ZC3H8: variants seen among roughly 807,000 people sequenced by gnomAD.
ZC3H8 encodes the protein zinc finger CCCH-type containing 8.
A neutral mutation model predicts 42.5 loss-of-function variants in ZC3H8; 27 were observed. The ratio of observed to expected loss-of-function variants is 0.64; its 90% CI spans 0.47 to 0.88. The LOEUF (loss-of-function observed/expected upper bound fraction) is 0.88, where lower values mean the gene tolerates loss of function less well. ZC3H8 is among the 40% of genes least tolerant of loss of function. The pLI, the probability that ZC3H8 is intolerant of heterozygous loss-of-function variation, is 0.00. For missense variants in ZC3H8, 277 were observed against 336.1 expected (o/e 0.82, Z 1.37); for synonymous variants, 101 against 110.1 (o/e 0.92, Z 0.52).
Position 112,214,984 on chromosome 2 carries a change from T to A in ZC3H8, c.*1500A>T, listed in dbSNP as rs1267762502. The A allele has an allele frequency of 6.6e-6, 1 of 152,184 alleles. No homozygotes were observed. The highest frequency in any genetic ancestry group is 1.5e-5 in the Non-Finnish European group (1 of 68,020). 9.4% of individuals were successfully genotyped at this position (152,184 alleles called of 1,614,324 possible). A position where few individuals can be genotyped will look rare whatever the true frequency, so the allele number is the denominator to read the frequency against. ...CTGAGTCCCTCAAATCTCTGCGGTGTCTTTTAAGTTTACAAGTGAGATGGG... is the reference window on the plus strand; with the variant it reads ...CTGAGTCCCTCAAATCTCTGCGGTGACTTTTAAGTTTACAAGTGAGATGGG... On this transcript the variant is annotated 3_prime_UTR_variant, in exon 9 of 9. Coordinates refer to ENST00000409573, the MANE Select transcript of ZC3H8 (RefSeq NM_032494.3).
intron 8 of ZC3H8, among the ~76,000 whole-genome samples, chr2:112,223,107 C>T (rs1215528496): frequency 6.6e-6 from 1 of 150,854 alleles, no homozygotes; most frequent in Non-Finnish European, 1.5e-5. Context: ...TGGGGCCTGT[C>T]GTGGGGTGGG....
chr2:112,224,497 C>A (rs755949349), intron 8 of ZC3H8, among the ~76,000 whole-genome samples: 1 of 152,168 alleles, frequency 6.6e-6, no homozygotes, highest in Non-Finnish European at 1.5e-5. Context: ...AAACCCAGGA[C>A]AAAAATACAC....
rs915063616 is a variant in ZC3H8 at position 112,213,461 on chromosome 2, A to G, written c.*3023T>C. 5 of 152,074 alleles carry G rather than the reference A, an allele frequency of 3.3e-5. No homozygotes were observed. The highest frequency in any genetic ancestry group is 1.2e-4 in the African/African-American group (5 of 41,410). 9.4% of individuals were successfully genotyped at this position (152,074 alleles called of 1,614,324 possible). On this transcript the variant is annotated 3_prime_UTR_variant, in exon 9 of 9. Transcript: ENST00000409573. Reference sequence around the variant, plus strand: ...CACCAAAAGGCTATATACTTGACCTATATTATCTCACCAACAGATAAAAAT... The same window carrying G: ...CACCAAAAGGCTATATACTTGACCTGTATTATCTCACCAACAGATAAAAAT...
At chr2:112,218,954 C>T (rs1684459626) in intron 8 of ZC3H8, among the ~76,000 whole-genome samples, 1 of 152,070 alleles carries the variant, frequency 6.6e-6, no homozygotes, top group Admixed American at 6.5e-5. Flanking sequence ...AAATCAAAGG[C>T]ACATAAATAA....
intron 2 of ZC3H8, among the ~76,000 whole-genome samples, chr2:112,241,496 G>A (rs2104663907): frequency 6.6e-6 from 1 of 152,312 alleles, no homozygotes; most frequent in Admixed American, 6.5e-5. Flanking sequence ...CTTGAATTCA[G>A]AAAATTCAGT....
intron 2 of ZC3H8, among the ~76,000 whole-genome samples, chr2:112,248,019 C>T (rs1382140079): frequency 6.6e-6 from 1 of 152,192 alleles, no homozygotes; most frequent in East Asian, 1.9e-4. Flanking sequence ...ATCATCTGTC[C>T]TGTATTCTTT....
intron 1 of ZC3H8, among the ~76,000 whole-genome samples, chr2:112,252,130 G>T (rs745424676): frequency 1.3e-5 from 2 of 151,980 alleles, no homozygotes; most frequent in Non-Finnish European, 2.9e-5. Flanking sequence ...CAATATCCAA[G>T]TCTCTAACCC....
intron 8 of ZC3H8, among the ~76,000 whole-genome samples, chr2:112,225,636 G>A (rs902446998): frequency 6.6e-6 from 1 of 152,204 alleles, no homozygotes; most frequent in African/African-American, 2.4e-5. Context: ...GGCCAACATG[G>A]TGAAACTTAG....
chr2:112,242,552 C>T (rs1685621663), intron 2 of ZC3H8, among the ~76,000 whole-genome samples: 1 of 152,144 alleles, frequency 6.6e-6, no homozygotes, highest in South Asian at 2.1e-4. Flanking sequence ...ATACTTACCA[C>T]ATCAAAACAC....
chr2:112,223,496 T>G (rs1293019201), intron 8 of ZC3H8, among the ~76,000 whole-genome samples: 2 of 152,184 alleles, frequency 1.3e-5, no homozygotes, highest in Non-Finnish European at 2.9e-5. Context: ...GACTGCTGTT[T>G]TTCCATGATA....
chr2:112,219,494 AG>A (rs1684490882), intron 8 of ZC3H8, among the ~76,000 whole-genome samples: 2 of 152,224 alleles, frequency 1.3e-5, no homozygotes, highest in Non-Finnish European at 2.9e-5. Context: ...GGAAAACATA[AG>A]GGAAAGTCTT....
rs530619782 is a variant in ZC3H8, at chr2:112,244,160, C to A, written c.157-5632G>T. On this transcript the variant is annotated intron_variant, in intron 2 of 8. Coordinates refer to ENST00000409573, the MANE Select transcript of ZC3H8 (RefSeq NM_032494.3). ...GAATGCCAAGAATGAAGAGAAGAGC[C>A]TTAAAGCTTCCAGAGAAAACAGGAT... Among the ~76,000 whole-genome samples, 4 of 152,076 alleles carry A rather than the reference C, an allele frequency of 2.6e-5. No homozygotes were observed. The East Asian group carries it at 7.7e-4, about 29-fold the overall frequency.
chr2:112,229,667 T>A (rs747203117), intron 8 of ZC3H8, among the ~76,000 whole-genome samples: 8 of 152,048 alleles, frequency 5.3e-5, no homozygotes, highest in Non-Finnish European at 1.0e-4. Context: ...TCCCAGCCAA[T>A]CTATATATGC....
chr2:112,252,313 T>C (rs534010512), intron 1 of ZC3H8, among the ~76,000 whole-genome samples: 1 of 152,290 alleles, frequency 6.6e-6, no homozygotes, highest in East Asian at 1.9e-4. Flanking sequence ...TCAAGATCCC[T>C]ACCAAAACCT....
chr2:112,236,559 T>C lies in ZC3H8; in HGVS notation c.504+3A>G, dbSNP rs1012450548. Reference sequence around the variant, plus strand: ...GTATTCCTAGAAGCATATATTCCAATACCTCTTCCTGTGAGCCGCTGTTCC... The same window carrying C: ...GTATTCCTAGAAGCATATATTCCAACACCTCTTCCTGTGAGCCGCTGTTCC... On this transcript the variant is annotated splice_donor_region_variant and intron_variant, in intron 4 of 8. Transcript: ENST00000409573. The C allele has an allele frequency of 3.1e-6, 5 of 1,612,388 alleles. No homozygotes were observed. In the African/African-American group the frequency reaches 5.3e-5, roughly 17 times the overall value.
chr2:112,248,859 C>A (rs1034037821), intron 2 of ZC3H8, among the ~76,000 whole-genome samples: 1 of 152,034 alleles, frequency 6.6e-6, no homozygotes, highest in Non-Finnish European at 1.5e-5. Context: ...AAGATTAGGT[C>A]ATTAGGGTGG....
Position 112,231,934 on chromosome 2 carries a change from A to ACC in ZC3H8, c.746_747insGG (p.Cys249TrpfsTer24). ...ATTTTGTTCCTGTATGGTAAAACTT[A>ACC]CAAGGATATTCATGTAACCCAAGTG... is the stretch of plus-strand genomic sequence containing the variant. On this transcript the variant is annotated frameshift_variant, in exon 7 of 9. Transcript: ENST00000409573. LOFTEE classifies it high-confidence loss of function. 1 of 1,566,688 alleles carries ACC rather than the reference A, an allele frequency of 6.4e-7. No individual in the cohort carries two copies. The highest frequency in any genetic ancestry group is 8.7e-7 in the Non-Finnish European group (1 of 1,148,810).
At chr2:112,222,645 G>C (rs1558918214) in intron 8 of ZC3H8, among the ~76,000 whole-genome samples, 1 of 152,090 alleles carries the variant, frequency 6.6e-6, no homozygotes, top group East Asian at 1.9e-4. Context: ...AGGACAAACT[G>C]TATGATTTCA....
Position 112,250,265 on chromosome 2 carries a change from C to T in ZC3H8, c.82G>A (p.Asp28Asn). 6.4e-7 allele frequency: 1 copy of T among 1,551,840 alleles called. No homozygotes were observed. Reference sequence around the variant, plus strand: ...TCTTCAACTTCTGTATCTATTTCATCATCGATTCTGTAGCAAAAATATCAA... The same window carrying T: ...TCTTCAACTTCTGTATCTATTTCATTATCGATTCTGTAGCAAAAATATCAA... ...TATDSDERIDDEIDTEVEETQ... is the reference protein window; with the variant it reads ...TATDSDERIDNEIDTEVEETQ... Residue 28 changes from aspartate to asparagine, a missense_variant, in exon 2 of 9, where the codon GAT becomes AAT. Transcript: ENST00000409573.
Sources: allele counts gnomAD v4.1 joint callset (sites outside exome capture counted in the v4.1 genomes callset), GRCh38; gene constraint gnomAD v4.1.1; transcripts MANE v1.5; gene names NCBI Gene and HGNC (gene_info 2026-07-23, HGNC 2026-07-21).